The following EDIL3 variants were observed in gnomAD, a reference collection of about 807,000 sequenced individuals.
EDIL3 encodes EGF like and discoidin domains 3.
Under a neutral mutation model 67.4 loss-of-function variants are expected in EDIL3, and 37 were observed. The observed-to-expected ratio is 0.55, with a 90% CI of 0.42 to 0.72. The LOEUF is 0.72. EDIL3 is among the 30% of genes least tolerant of loss of function. The pLI is 0.00. For missense variants in EDIL3, 527 were observed against 586.3 expected, an observed-to-expected ratio of 0.90 and a Z score of 1.04; for synonymous variants, 195 against 196.3, an observed-to-expected ratio of 0.99 and a Z score of 0.05.
chr5:84,377,294 C>T (rs922148917), intron 1 of EDIL3, among the ~76,000 whole-genome samples: 1 of 137,454 alleles, frequency 7.3e-6, no homozygotes, highest in East Asian at 2.1e-4. Flanking sequence ...GCCTGGGTAG[C>T]GAGACTCCGT....
intron 6 of EDIL3, among the ~76,000 whole-genome samples, chr5:84,078,447 T>A (rs1746903892): frequency 6.6e-6 from 1 of 152,116 alleles, no homozygotes; most frequent in South Asian, 2.1e-4. Flanking sequence ...TATGTAAATT[T>A]AAAAACACAC....
chr5:84,270,528 T>C (rs1745449812), intron 1 of EDIL3, among the ~76,000 whole-genome samples: 1 of 152,206 alleles, frequency 6.6e-6, no homozygotes, highest in African/African-American at 2.4e-5. Context: ...AACTAATGCA[T>C]AAATTAATTC....
In EDIL3 at chr5:84,066,582, C is replaced by T. The variant is rs1746645857; in HGVS notation, c.676G>A (p.Val226Ile). Residue 226 changes from valine to isoleucine, a missense_variant, in exon 7 of 11, where the codon GTT becomes ATT. Physicochemically the swap from Val to Ile is conservative, Grantham distance 29. Around this residue, in one of 2 missense-constraint regions of EDIL3, gnomAD observed 494 missense variants for 522.5 expected, o/e 0.95. Transcript: ENST00000296591. ...GCTCCTTGGGTAATCACACCAGTAA[C>T]TCTCATTTTCCTTTGCAAATTTATC... ...IQINLQRKMR[V>I]TGVITQGAKR... The T allele has an allele frequency of 2.5e-6, 4 of 1,612,624 alleles. No individual in the cohort carries two copies. The highest frequency in any genetic ancestry group is 3.4e-6 in the Non-Finnish European group (4 of 1,179,654).
chr5:84,088,107 A>T (rs927922194), intron 6 of EDIL3, among the ~76,000 whole-genome samples: 35 of 152,180 alleles, frequency 2.3e-4, no homozygotes, highest in African/African-American at 7.5e-4. Flanking sequence ...TCCATATAAG[A>T]TAATTTGAAA....
chr5:84,192,489 ACCT>A (rs1206146038), intron 3 of EDIL3, among the ~76,000 whole-genome samples: 8 of 151,852 alleles, frequency 5.3e-5, no homozygotes, highest in South Asian at 2.1e-4. Flanking sequence ...GCCTTTCTTC[ACCT>A]CCTCTTTTCC....
intron 4 of EDIL3, among the ~76,000 whole-genome samples, chr5:84,152,359 T>C (rs1748411108): frequency 6.6e-6 from 1 of 152,288 alleles, no homozygotes. Context: ...TAATTTTACA[T>C]TGAAAAAGGA....
At chr5:84,088,326 A>C (rs1336732617) in intron 6 of EDIL3, among the ~76,000 whole-genome samples, 1 of 151,920 alleles carries the variant, frequency 6.6e-6, no homozygotes, top group Non-Finnish European at 1.5e-5. Context: ...GCATGCTCTT[A>C]AAAAAAAGAA....
chr5:84,006,546 C>G (rs1580275880), intron 9 of EDIL3, among the ~76,000 whole-genome samples: 1 of 151,948 alleles, frequency 6.6e-6, no homozygotes, highest in Non-Finnish European at 1.5e-5. Context: ...ACAAAAAAGG[C>G]AACAATAGAT....
intron 10 of EDIL3, among the ~76,000 whole-genome samples, chr5:83,952,017 C>T (rs1054450733): frequency 1.3e-5 from 2 of 151,756 alleles, no homozygotes; most frequent in Non-Finnish European, 2.9e-5. Context: ...ACCAAAGGGA[C>T]TGGGGCAGAG....
intron 1 of EDIL3, among the ~76,000 whole-genome samples, chr5:84,367,692 C>T (rs913153191): frequency 1.6e-4 from 25 of 152,114 alleles, no homozygotes; most frequent in African/African-American, 3.9e-4. Context: ...CTGAGACAGG[C>T]GAATCCCTTG....
At position 84,055,374 on chromosome 5, in the gene EDIL3, A is replaced by T. The variant is rs563096298; in HGVS notation, c.1137+4926T>A. 4.0e-4 allele frequency among the ~76,000 whole-genome samples: 58 copies of T among 146,654 alleles called. 7 individuals are homozygous for T. Among genetic ancestry groups the T allele is most frequent in the African/African-American group, 6.9e-4 (26 of 37,422 alleles). On this transcript the variant is annotated intron_variant, in intron 9 of 10. Coordinates refer to ENST00000296591, the MANE Select transcript of EDIL3 (RefSeq NM_005711.5). ...AAAACCCGAGAAGAAAACCTAGGCT[A>T]TACCATTCAGGACATAGGCATGGGC...
chr5:84,324,860 A>T (rs1746724253), intron 1 of EDIL3, among the ~76,000 whole-genome samples: 1 of 151,734 alleles, frequency 6.6e-6, no homozygotes. Context: ...AATGACAGAG[A>T]ATTAAGAAAT....
chr5:84,356,904 T>C (rs1747498417), intron 1 of EDIL3, among the ~76,000 whole-genome samples: 1 of 144,972 alleles, frequency 6.9e-6, no homozygotes, highest in South Asian at 2.2e-4. Context: ...TTTTTTTTTT[T>C]TTTTTTTTTT....
chr5:84,085,614 A>C (rs550027322), intron 6 of EDIL3, among the ~76,000 whole-genome samples: 12 of 152,044 alleles, frequency 7.9e-5, no homozygotes, highest in African/African-American at 2.7e-4. Flanking sequence ...GTGTCTGTCG[A>C]CCCCTGTTGG....
intron 1 of EDIL3, among the ~76,000 whole-genome samples, chr5:84,271,544 C>A (rs539689647): frequency 6.6e-6 from 1 of 151,924 alleles, no homozygotes; most frequent in Non-Finnish European, 1.5e-5. Context: ...GATTTATGTG[C>A]CTTGGGTTGT....
intron 5 of EDIL3, among the ~76,000 whole-genome samples, chr5:84,110,585 ATG>A (rs1024470750): frequency 1.3e-5 from 2 of 152,234 alleles, no homozygotes; most frequent in Non-Finnish European, 2.9e-5. Context: ...GTGTACCCAC[ATG>A]TGTTTTCTCA....
At chr5:84,336,052 GTCCCACCTCTTAATACTA>G (rs1746978467) in intron 1 of EDIL3, among the ~76,000 whole-genome samples, 1 of 152,076 alleles carries the variant, frequency 6.6e-6, no homozygotes, top group East Asian at 1.9e-4. Flanking sequence ...CTTCCTATAT[GTCCCACCTCTTAATACTA>G]TCACATTGGT....
At chr5:84,070,500 G>A (rs1746718832) in intron 6 of EDIL3, among the ~76,000 whole-genome samples, 1 of 152,078 alleles carries the variant, frequency 6.6e-6, no homozygotes, top group Non-Finnish European at 1.5e-5. Context: ...CTTGCAAGGG[G>A]GACAAGGGAA....
Position 84,248,753 on chromosome 5 carries a change from C to G in EDIL3, c.196+5331G>C, listed in dbSNP as rs543463483. Among the ~76,000 whole-genome samples the G allele has an allele frequency of 2.8e-4, 43 of 152,228 alleles. No individual in the cohort carries two copies. In the South Asian group the frequency reaches 7.9e-3, roughly 28 times the overall value. On this transcript the variant is annotated intron_variant, in intron 2 of 10. Coordinates refer to ENST00000296591, the MANE Select transcript of EDIL3 (RefSeq NM_005711.5). Reference sequence around the variant, plus strand: ...GAAACTGGGGATGCCTTTCTTTACTCTTAGTTTCTCCCAAACTCTTTTTCT... The same window carrying G: ...GAAACTGGGGATGCCTTTCTTTACTGTTAGTTTCTCCCAAACTCTTTTTCT...
Sources: allele counts gnomAD v4.1 joint callset (sites outside exome capture counted in the v4.1 genomes callset), GRCh38; gene constraint gnomAD v4.1.1; regional missense constraint gnomAD v4.1.1; transcripts MANE v1.5; gene names NCBI Gene and HGNC (gene_info 2026-07-23, HGNC 2026-07-21).